Variants in CSMD1 observed in about 807,000 individuals in gnomAD.
CSMD1 encodes CUB and sushi domain-containing protein 1.
In CSMD1, 213 loss-of-function variants were observed where a neutral mutation model predicts 417.5. The ratio of observed to expected loss-of-function variants is 0.51; its 90% CI spans 0.46 to 0.57. CSMD1 has a LOEUF of 0.57. CSMD1 is among the 20% of genes least tolerant of loss of function. The pLI is 0.00. For missense variants in CSMD1, 6,923 were observed against 4,529.7 expected, an observed-to-expected ratio of 1.53 and a Z score of -15.17; for synonymous variants, 2,862 against 1,736.8, an observed-to-expected ratio of 1.65 and a Z score of -16.11.
At position 3,411,922 on chromosome 8, in the gene CSMD1, G is replaced by A. The variant is rs796389649; in HGVS notation, c.1562-2317C>T. On this transcript the variant is annotated intron_variant, in intron 12 of 69. Transcript: ENST00000635120. ...CGTATATATACACGTATATATGCAC[G>A]TATATATACACGTATATATGCACGT... 7.6e-3 allele frequency among the ~76,000 whole-genome samples: 669 copies of A among 88,570 alleles called. 261 individuals are homozygous for A. The highest frequency in any genetic ancestry group is 0.018 in the Middle Eastern group (2 of 110). The allele number at this position is 88,570 out of a possible 152,430, so 58.1% of individuals were successfully genotyped here.
intron 1 of CSMD1, among the ~76,000 whole-genome samples, chr8:4,805,189 GATA>G (rs1420152541): frequency 1.3e-5 from 2 of 152,154 alleles, no homozygotes; most frequent in African/African-American, 2.4e-5. Context: ...TGTATAGAGA[GATA>G]ATATCTGCGA....
chr8:4,178,754 T>C (rs1584966692), intron 3 of CSMD1, among the ~76,000 whole-genome samples: 1 of 152,084 alleles, frequency 6.6e-6, no homozygotes, highest in African/African-American at 2.4e-5. Context: ...AAAATCAATG[T>C]ACAAAAATTA....
intron 26 of CSMD1, among the ~76,000 whole-genome samples, chr8:3,234,995 T>A (rs888272430): frequency 1.3e-5 from 2 of 152,222 alleles, no homozygotes; most frequent in East Asian, 3.9e-4. Flanking sequence ...GAACTTCCCA[T>A]CTTCAAAGGA....
intron 4 of CSMD1, among the ~76,000 whole-genome samples, chr8:4,020,901 C>G (rs540679367): frequency 3.3e-5 from 5 of 152,190 alleles, no homozygotes; most frequent in Admixed American, 1.3e-4. Flanking sequence ...CTCAAATATG[C>G]TTCAGCAATT....
chr8:4,800,387 G>C (rs1270493931), intron 1 of CSMD1, among the ~76,000 whole-genome samples: 1 of 147,008 alleles, frequency 6.8e-6, no homozygotes, highest in Non-Finnish European at 1.5e-5. Flanking sequence ...GCTGAGATCA[G>C]AGATCACGCC....
chr8:4,208,923 A>G (rs978520503), intron 3 of CSMD1, among the ~76,000 whole-genome samples: 4 of 152,184 alleles, frequency 2.6e-5, no homozygotes, highest in Admixed American at 2.6e-4. Flanking sequence ...CCCTGTAGAC[A>G]TAACAGATAA....
chr8:3,782,737 C>T (rs1434781319), intron 5 of CSMD1, among the ~76,000 whole-genome samples: 4 of 152,104 alleles, frequency 2.6e-5, no homozygotes, highest in African/African-American at 7.2e-5. Flanking sequence ...GTTGGTGATA[C>T]TGAATTATAA....
At chr8:4,023,773 TTTTTTTTTTTTG>T (rs1348497256) in intron 4 of CSMD1, among the ~76,000 whole-genome samples, 1,880 of 120,774 alleles carry the variant, frequency 0.016, 107 homozygotes, top group East Asian at 0.15. Flanking sequence ...TTTTTTTTTT[TTTTTTTTTTTTG>T]TGTGTGTATT....
At chr8:3,811,784 G>C (rs761341612) in intron 5 of CSMD1, among the ~76,000 whole-genome samples, 5 of 152,128 alleles carry the variant, frequency 3.3e-5, no homozygotes, top group African/African-American at 4.8e-5. Flanking sequence ...GAGATGAGGA[G>C]AATCAGTGCT....
chr8:4,657,926 A>T (rs992582205), intron 1 of CSMD1, among the ~76,000 whole-genome samples: 1 of 152,130 alleles, frequency 6.6e-6, no homozygotes, highest in African/African-American at 2.4e-5. Flanking sequence ...TGAAGATAAA[A>T]AGTACAATAA....
At chr8:3,271,835 T>G (rs1309115225) in intron 26 of CSMD1, among the ~76,000 whole-genome samples, 1 of 152,164 alleles carries the variant, frequency 6.6e-6, no homozygotes, top group Admixed American at 6.5e-5. Flanking sequence ...TATTAGCCCT[T>G]TGTCAGATGA....
intron 1 of CSMD1, among the ~76,000 whole-genome samples, chr8:4,829,344 C>T (rs958709620): frequency 2.6e-5 from 4 of 152,262 alleles, no homozygotes; most frequent in African/African-American, 7.2e-5. Context: ...ACCTACATTA[C>T]GTGTCTATAC....
At chr8:3,260,257 C>T (rs554482255) in intron 26 of CSMD1, among the ~76,000 whole-genome samples, 2 of 152,212 alleles carry the variant, frequency 1.3e-5, no homozygotes, top group East Asian at 1.9e-4. Context: ...CAAAGTTGCT[C>T]TTCAGGGTGA....
intron 50 of CSMD1, among the ~76,000 whole-genome samples, chr8:3,039,490 T>C (rs1379225961): frequency 2.0e-5 from 3 of 148,256 alleles, no homozygotes; most frequent in Admixed American, 6.7e-5. Flanking sequence ...TCCTTCCTTC[T>C]TTCAATTCTT....
intron 8 of CSMD1, among the ~76,000 whole-genome samples, chr8:3,610,165 T>G (rs541692160): frequency 6.6e-6 from 1 of 152,246 alleles, no homozygotes; most frequent in East Asian, 1.9e-4. Context: ...GCATCCTTAC[T>G]TGGCTGTAGT....
intron 1 of CSMD1, among the ~76,000 whole-genome samples, chr8:4,798,702 C>T (rs1798115646): frequency 6.6e-6 from 1 of 151,836 alleles, no homozygotes; most frequent in Non-Finnish European, 1.5e-5. Context: ...AGAAAAATAC[C>T]AATTTGTTAA....
chr8:3,499,287 G>C (rs995315278), intron 10 of CSMD1, among the ~76,000 whole-genome samples: 2 of 152,172 alleles, frequency 1.3e-5, no homozygotes, highest in Non-Finnish European at 2.9e-5. Flanking sequence ...AGCTGTCTGA[G>C]TAGCCTTGGC....
At chr8:4,945,800 G>C (rs13263146) in intron 1 of CSMD1, among the ~76,000 whole-genome samples, 39,499 of 151,934 alleles carry the variant, frequency 0.26, 6,278 homozygotes, top group East Asian at 0.4. Flanking sequence ...ATGAGGTTAA[G>C]TAGGCAGCAG....
chr8:4,035,255 A>G (rs189529874), intron 3 of CSMD1, among the ~76,000 whole-genome samples: 3 of 152,292 alleles, frequency 2.0e-5, no homozygotes, highest in Non-Finnish European at 2.9e-5. Context: ...CCACCTGTGC[A>G]GCCAGTCATA....
Sources: gnomAD v4.1 joint callset for allele counts (sites outside exome capture counted in the v4.1 genomes callset) on GRCh38, gnomAD v4.1.1 for gene constraint, MANE v1.5 for transcripts, NCBI Gene and HGNC (gene_info 2026-07-23, HGNC 2026-07-21) for gene names.